The following SRGAP2C variants were observed in gnomAD, a reference collection of about 807,000 sequenced individuals.
The protein encoded by SRGAP2C is SLIT-ROBO Rho GTPase-activating protein 2C.
Under a neutral mutation model 25.1 loss-of-function variants are expected in SRGAP2C, and 15 were observed. The observed-to-expected ratio is 0.60, with a 90% CI of 0.40 to 0.92. The LOEUF is 0.92. Ranked by LOEUF, SRGAP2C falls within the 40% of genes least tolerant of loss-of-function variation. The pLI is 0.00. For missense variants in SRGAP2C, 144 were observed against 264.4 expected (o/e 0.54, Z 3.16); for synonymous variants, 44 against 96.6 (o/e 0.46, Z 3.19).
intron 2 of SRGAP2C, among the ~76,000 whole-genome samples, chr1:121,202,340 C>G (rs1181295221): frequency 6.6e-6 from 1 of 152,096 alleles, no homozygotes; most frequent in African/African-American, 2.4e-5. Flanking sequence ...CTCCTCACTT[C>G]CTCCAGTGTT....
At chr1:121,203,887 C>T (rs1655050737) in intron 2 of SRGAP2C, among the ~76,000 whole-genome samples, 1 of 96,808 alleles carries the variant, frequency 1.0e-5, no homozygotes, top group Non-Finnish European at 2.0e-5. Context: ...ATAGTGTATC[C>T]CTTTTTATTG....
intron 2 of SRGAP2C, among the ~76,000 whole-genome samples, chr1:121,202,522 G>A (rs1364979934): frequency 2.5e-4 from 36 of 146,300 alleles, no homozygotes; most frequent in Admixed American, 1.4e-3. Context: ...TCCGACTCCC[G>A]GATTCAAGTG....
intron 3 of SRGAP2C, among the ~76,000 whole-genome samples, chr1:121,304,020 C>T (rs1306807036): frequency 4.4e-5 from 6 of 135,616 alleles, no homozygotes; most frequent in Non-Finnish European, 7.9e-5. Context: ...CTGGCTAACA[C>T]GGTGAAACCC....
intron 4 of SRGAP2C, among the ~76,000 whole-genome samples, chr1:121,329,765 G>A (rs1658395038): frequency 6.6e-6 from 1 of 151,826 alleles, no homozygotes; most frequent in African/African-American, 2.4e-5. Flanking sequence ...CATTTTGCAT[G>A]AAGCCATGTT....
chr1:121,259,461 C>T, intron 2 of SRGAP2C, among the ~76,000 whole-genome samples: 1 of 97,438 alleles, frequency 1.0e-5, no homozygotes, highest in East Asian at 3.7e-4. Flanking sequence ...GCCTGGGTGA[C>T]AGAGTGAGAC....
At chr1:121,275,101 A>C (rs1401828517) in intron 2 of SRGAP2C, among the ~76,000 whole-genome samples, 1 of 140,304 alleles carries the variant, frequency 7.1e-6, no homozygotes, top group East Asian at 2.1e-4. Flanking sequence ...TCCTCTCTTA[A>C]TGTAGTCTGG....
chr1:121,368,002 G>A (rs1467402265), intron 5 of SRGAP2C, among the ~76,000 whole-genome samples: 4 of 115,222 alleles, frequency 3.5e-5, no homozygotes, highest in Non-Finnish European at 5.3e-5. Context: ...CGTGAACCTG[G>A]GAGGCAGAGC....
intron 2 of SRGAP2C, among the ~76,000 whole-genome samples, chr1:121,265,886 G>C (rs1476611390): frequency 1.3e-4 from 20 of 151,754 alleles, no homozygotes; most frequent in African/African-American, 2.7e-4. Context: ...GAATTGGATG[G>C]CTTGGTACTG....
At chr1:121,201,809 T>C (rs1654987163) in intron 2 of SRGAP2C, among the ~76,000 whole-genome samples, 1 of 152,194 alleles carries the variant, frequency 6.6e-6, no homozygotes, top group Non-Finnish European at 1.5e-5. Context: ...CCGATAACGT[T>C]AGGAGCAGCA....
chr1:121,222,550 G>T (rs1295121700), intron 2 of SRGAP2C, among the ~76,000 whole-genome samples: 3 of 152,144 alleles, frequency 2.0e-5, no homozygotes, highest in Non-Finnish European at 4.4e-5. Context: ...GATCACCTAA[G>T]CCCGGAAGGT....
At chr1:121,337,704 G>C (rs1458110976) in intron 4 of SRGAP2C, among the ~76,000 whole-genome samples, 2 of 144,892 alleles carry the variant, frequency 1.4e-5, no homozygotes, top group Non-Finnish European at 3.0e-5. Context: ...TGTTAATACA[G>C]CTCATCAGGC....
At chr1:121,218,609 G>C (rs1655452676) in intron 2 of SRGAP2C, among the ~76,000 whole-genome samples, 1 of 148,642 alleles carries the variant, frequency 6.7e-6, no homozygotes, top group Non-Finnish European at 1.5e-5. Flanking sequence ...TTAGCTAGGT[G>C]GGTGGCAGGT....
chr1:121,211,416 TACACACAC>T (rs200891136), intron 2 of SRGAP2C, among the ~76,000 whole-genome samples: 18,894 of 119,026 alleles, frequency 0.16, 1 homozygote, highest in Non-Finnish European at 0.17. Flanking sequence ...TATATACACA[TACACACAC>T]ACACACACAC....
intron 2 of SRGAP2C, among the ~76,000 whole-genome samples, chr1:121,264,698 C>T (rs1446245784): frequency 6.6e-6 from 1 of 151,464 alleles, no homozygotes. Flanking sequence ...CCTTGCTGAG[C>T]CCTAGACCAA....
chr1:121,294,703 G>A (rs1178837962), intron 3 of SRGAP2C, among the ~76,000 whole-genome samples: 7 of 118,800 alleles, frequency 5.9e-5, no homozygotes, highest in African/African-American at 2.3e-4. Context: ...TTTTTTTTCT[G>A]TTGAGTTTTT....
chr1:121,342,883 T>C (rs1305703910), intron 4 of SRGAP2C, among the ~76,000 whole-genome samples: 1 of 119,630 alleles, frequency 8.4e-6, no homozygotes, highest in Non-Finnish European at 1.8e-5. Context: ...GTTACATAAA[T>C]CAAGATATCC....
At position 121,263,134 on chromosome 1, in the gene SRGAP2C, G is replaced by A. The variant is rs587762065; in HGVS notation, c.68-21669G>A. 4.3e-4 allele frequency among the ~76,000 whole-genome samples: 65 copies of A among 151,554 alleles called. 2 individuals are homozygous for A. The highest frequency in any genetic ancestry group is 6.8e-3 in the Middle Eastern group (2 of 294). On this transcript the variant is annotated intron_variant, in intron 2 of 9. Transcript: ENST00000367123. ...TTTGGGAGGCTGAGTTGGGCAGATC[G>A]CTTGAGGTCAGGAGTTTGAGACCAG...
chr1:121,230,819 A>AT (rs1655797246), intron 2 of SRGAP2C, among the ~76,000 whole-genome samples: 1 of 152,206 alleles, frequency 6.6e-6, no homozygotes, highest in Non-Finnish European at 1.5e-5. Context: ...GATAAAGAAA[A>AT]TATGGCACAT....
chr1:121,293,006 C>T (rs1431023783), intron 3 of SRGAP2C, among the ~76,000 whole-genome samples: 2 of 80,842 alleles, frequency 2.5e-5, no homozygotes, highest in Non-Finnish European at 4.9e-5. Context: ...CAGATTTCTT[C>T]TGATTGGAGG....
Sources: allele counts gnomAD v4.1 joint callset (sites outside exome capture counted in the v4.1 genomes callset), GRCh38; gene constraint gnomAD v4.1.1; transcripts MANE v1.5; gene names NCBI Gene and HGNC (gene_info 2026-07-23, HGNC 2026-07-21).